The following YAP1 variants were observed in gnomAD, a reference collection of about 807,000 sequenced individuals.
The protein encoded by YAP1 is transcriptional coactivator YAP1.
A neutral mutation model predicts 56.9 loss-of-function variants in YAP1; 5 were observed. The ratio of observed to expected loss-of-function variants is 0.09; its 90% CI spans 0.05 to 0.18. The LOEUF (loss-of-function observed/expected upper bound fraction) is 0.18, where lower values mean the gene tolerates loss of function less well. Among genes scored for constraint, YAP1 ranks in the 10% least tolerant of loss-of-function variants. The pLI is 1.00. For missense variants in YAP1, 539 were observed against 651.8 expected, an observed-to-expected ratio of 0.83 and a Z score of 1.88; for synonymous variants, 265 against 248.1, an observed-to-expected ratio of 1.07 and a Z score of -0.64.
At chr11:102,165,944 G>A (rs972134507) in intron 3 of YAP1, among the ~76,000 whole-genome samples, 1 of 152,132 alleles carries the variant, frequency 6.6e-6, no homozygotes, top group Admixed American at 6.5e-5. Flanking sequence ...TGTTTAAGGA[G>A]GCCTTGTTTC....
At chr11:102,216,219 A>C (rs2135663216) in intron 6 of YAP1, among the ~76,000 whole-genome samples, 1 of 152,316 alleles carries the variant, frequency 6.6e-6, no homozygotes, top group East Asian at 1.9e-4. Context: ...TAAGTTTTAT[A>C]ATTCCTTGTA....
chr11:102,195,583 A>G (rs777404920), intron 4 of YAP1, among the ~76,000 whole-genome samples: 4 of 152,136 alleles, frequency 2.6e-5, no homozygotes, highest in Non-Finnish European at 4.4e-5. Flanking sequence ...AATTTCTCCC[A>G]TCCTGTTCTC....
chr11:102,169,348 A>G (rs917886437), intron 3 of YAP1, among the ~76,000 whole-genome samples: 2 of 152,204 alleles, frequency 1.3e-5, no homozygotes, highest in Admixed American at 6.5e-5. Flanking sequence ...TTACCACACT[A>G]TCTTTGAAGT....
chr11:102,175,034 A>G (rs1232863426), intron 3 of YAP1, among the ~76,000 whole-genome samples: 5 of 152,212 alleles, frequency 3.3e-5, no homozygotes. Context: ...AGAATCTTCT[A>G]AGTACCTATA....
At chr11:102,111,389 C>T (rs186247039) in intron 1 of YAP1, among the ~76,000 whole-genome samples, 1 of 152,098 alleles carries the variant, frequency 6.6e-6, no homozygotes, top group Non-Finnish European at 1.5e-5. Context: ...TTGTTTTTCC[C>T]TTCTGAGTTT....
intron 2 of YAP1, among the ~76,000 whole-genome samples, chr11:102,141,099 G>A (rs1452981696): frequency 6.6e-6 from 1 of 152,104 alleles, no homozygotes; most frequent in Non-Finnish European, 1.5e-5. Context: ...ATTCCCTTAA[G>A]ATTCAGCTCA....
intron 3 of YAP1, among the ~76,000 whole-genome samples, chr11:102,184,491 G>GA (rs1251654934): frequency 6.6e-6 from 1 of 152,200 alleles, no homozygotes; most frequent in African/African-American, 2.4e-5. Context: ...GACTGAAGGG[G>GA]AGCCTTCCTA....
intron 3 of YAP1, among the ~76,000 whole-genome samples, chr11:102,163,114 G>C (rs896494489): frequency 6.6e-6 from 1 of 151,904 alleles, no homozygotes; most frequent in Non-Finnish European, 1.5e-5. Context: ...CCCAGGGCAA[G>C]CATGGATTAT....
chr11:102,226,540 A>G (rs1278432845), intron 7 of YAP1, among the ~76,000 whole-genome samples: 1 of 152,228 alleles, frequency 6.6e-6, no homozygotes, highest in Non-Finnish European at 1.5e-5. Context: ...CCTTGATTTT[A>G]TGCGTTTCTC....
intron 2 of YAP1, among the ~76,000 whole-genome samples, chr11:102,119,124 G>C (rs1019600868): frequency 1.3e-5 from 2 of 151,724 alleles, no homozygotes; most frequent in East Asian, 2.0e-4. Flanking sequence ...ATGAAAGTAC[G>C]CCCTTAGCTC....
intron 3 of YAP1, among the ~76,000 whole-genome samples, chr11:102,166,021 A>G (rs1448374888): frequency 6.6e-6 from 1 of 152,182 alleles, no homozygotes; most frequent in African/African-American, 2.4e-5. Context: ...ATTGCCTTTT[A>G]TGGGGACGGT....
intron 2 of YAP1, among the ~76,000 whole-genome samples, chr11:102,161,345 TACACACACACACACACACACACAC>T (rs34552492): frequency 7.1e-6 from 1 of 141,148 alleles, no homozygotes; most frequent in African/African-American, 2.6e-5. Context: ...GTACTTTCAC[TACACACACACACACACACACACAC>T]ACACACACAC....
At chr11:102,127,805 T>C (rs1801532776) in intron 2 of YAP1, among the ~76,000 whole-genome samples, 1 of 152,128 alleles carries the variant, frequency 6.6e-6, no homozygotes, top group Non-Finnish European at 1.5e-5. Context: ...GGCTGTACCC[T>C]GTAAAACCAC....
At chr11:102,171,245 C>A (rs1946884457) in intron 3 of YAP1, among the ~76,000 whole-genome samples, 1 of 152,112 alleles carries the variant, frequency 6.6e-6, no homozygotes, top group Non-Finnish European at 1.5e-5. Flanking sequence ...CCACTGATTT[C>A]TAAATCCTTC....
intron 2 of YAP1, among the ~76,000 whole-genome samples, chr11:102,153,935 T>A (rs1015141491): frequency 1.2e-4 from 19 of 152,126 alleles, no homozygotes; most frequent in African/African-American, 4.3e-4. Flanking sequence ...AGATCCAGCC[T>A]GCTAGCATGG....
rs11225174 is a variant in YAP1 at position 102,231,215 on chromosome 11, T to G, written c.*1275T>G. On this transcript the variant is annotated 3_prime_UTR_variant, in exon 9 of 9. Coordinates refer to ENST00000282441, the MANE Select transcript of YAP1 (RefSeq NM_001130145.3). The stretch of plus-strand genomic sequence containing the variant: ...ACTAATTTTTAAGTCTCGATTGGAA[T>G]TCAGTGAGTAGGTTCATAATGTGCA... The G allele has an allele frequency of 3.3e-5, 5 of 152,056 alleles. No individual in the cohort carries two copies. The highest frequency in any genetic ancestry group is 5.9e-5 in the Non-Finnish European group (4 of 68,000). 9.4% of individuals were successfully genotyped at this position (152,056 alleles called of 1,614,324 possible). A position where few individuals can be genotyped will look rare whatever the true frequency, so the allele number is the denominator to read the frequency against.
At chr11:102,143,186 G>A (rs928016467) in intron 2 of YAP1, among the ~76,000 whole-genome samples, 4 of 152,128 alleles carry the variant, frequency 2.6e-5, no homozygotes, top group Admixed American at 6.5e-5. Context: ...TAGGTTAAGA[G>A]AAATATAGAC....
intron 2 of YAP1, among the ~76,000 whole-genome samples, chr11:102,156,565 C>CT (rs1423394623): frequency 6.6e-6 from 1 of 152,180 alleles, no homozygotes; most frequent in Non-Finnish European, 1.5e-5. Context: ...ACGAAAAGAG[C>CT]TAGGTGGACC....
At chr11:102,210,001 A>AAAAATTCTT (rs1348658522) in intron 6 of YAP1, among the ~76,000 whole-genome samples, 3 of 152,216 alleles carry the variant, frequency 2.0e-5, no homozygotes, top group Admixed American at 2.0e-4. Flanking sequence ...TGAGGAAGAG[A>AAAAATTCTT]AAAATTCTTT....
Sources: gnomAD v4.1 joint callset for allele counts (sites outside exome capture counted in the v4.1 genomes callset) on GRCh38, gnomAD v4.1.1 for gene constraint, MANE v1.5 for transcripts, NCBI Gene and HGNC (gene_info 2026-07-23, HGNC 2026-07-21) for gene names.